Variants in RPL13 observed in about 807,000 individuals in gnomAD.
RPL13 encodes the protein large ribosomal subunit protein eL13.
In RPL13, 1 loss-of-function variant was observed where a neutral mutation model predicts 21.4. The observed-to-expected ratio is 0.05, with a 90% confidence interval of 0.02 to 0.22. RPL13 has a LOEUF of 0.22. RPL13 is among the 10% of genes least tolerant of loss of function. RPL13 has a pLI of 1.00. For missense variants in RPL13, 289 were observed against 303.0 expected (o/e 0.95, Z 0.34); for synonymous variants, 143 against 120.5 (o/e 1.19, Z -1.23).
In RPL13 at chr16:89,564,157, A is replaced by AT. The variant is rs1305183143; in HGVS notation, c.*1117dup. ...GAAGCAGCTTCAGGGACCGAGTCAGATTCTGTTTTGTCTACATGCCTCTGC... is the reference window on the plus strand; with the variant it reads ...GAAGCAGCTTCAGGGACCGAGTCAGATTTCTGTTTTGTCTACATGCCTCTGC... On this transcript the variant is annotated 3_prime_UTR_variant, in exon 6 of 6. Transcript: ENST00000311528. 1 of 152,104 alleles carries AT rather than the reference A, an allele frequency of 6.6e-6. No homozygotes were observed. The highest frequency in any genetic ancestry group is 1.5e-5 in the Non-Finnish European group (1 of 68,050). 9.4% of individuals were successfully genotyped at this position (152,104 alleles called of 1,614,324 possible). A position where few individuals can be genotyped will look rare whatever the true frequency, so the allele number is the denominator to read the frequency against.
In RPL13 at chr16:89,563,114, C is replaced by T. The variant is rs2058758673; in HGVS notation, c.*72C>T. 2.2e-6 allele frequency: 3 copies of T among 1,358,712 alleles called. No individual in the cohort carries two copies. Among genetic ancestry groups the T allele is most frequent in the Non-Finnish European group, 2.9e-6 (3 of 1,039,554 alleles). The allele number at this position is 1,358,712 out of a possible 1,614,324, so 84.2% of individuals were successfully genotyped here. ...CACGTGGTGTGTTTCGTGGGAACAA[C>T]TGGGCCTGGGATGGGGCTTCACTGC... On this transcript the variant is annotated 3_prime_UTR_variant, in exon 6 of 6. Transcript: ENST00000311528.
At chr16:89,565,288 CTGGGCT>C (rs1567943581), downstream of RPL13, 1 of 136,476 alleles carries the variant, frequency 7.3e-6, no homozygotes, top group African/African-American at 3.0e-5. Context: ...TGGATGTGGG[CTGGGCT>C]GGGCTGGGCT....
At chr16:89,561,518 C>T in intron 3 of RPL13, 60 bp from the exon 4 acceptor site, 1 of 1,612,600 alleles carries the variant, frequency 6.2e-7, no homozygotes, top group Non-Finnish European at 8.5e-7. Context: ...GCTTTTCATC[C>T]AGGCCTCGGG....
Position 89,563,108 on chromosome 16 carries a change from G to A in RPL13, c.*66G>A. 1 of 1,373,288 alleles carries A rather than the reference G, an allele frequency of 7.3e-7. No homozygotes were observed. The highest frequency in any genetic ancestry group is 9.5e-7 in the Non-Finnish European group (1 of 1,049,810). The allele number at this position is 1,373,288 out of a possible 1,614,324, so 85.1% of individuals were successfully genotyped here. A position where few individuals can be genotyped will look rare whatever the true frequency, so the allele number is the denominator to read the frequency against. Reference sequence around the variant, plus strand: ...GGTCTCCACGTGGTGTGTTTCGTGGGAACAACTGGGCCTGGGATGGGGCTT... The same window carrying A: ...GGTCTCCACGTGGTGTGTTTCGTGGAAACAACTGGGCCTGGGATGGGGCTT... On this transcript the variant is annotated 3_prime_UTR_variant, in exon 6 of 6. Transcript: ENST00000311528.
intron 5 of RPL13, 69 bp downstream of exon 5, chr16:89,562,460 T>C (rs1212855234): frequency 6.8e-7 from 1 of 1,469,720 alleles, no homozygotes; most frequent in South Asian, 1.2e-5. Context: ...GTATCTGAGA[T>C]GCGGGTGATG....
Position 89,561,330 on chromosome 16 carries a change from G to A in RPL13, c.208G>A (p.Val70Met). The A allele has an allele frequency of 6.3e-7, 1 of 1,597,860 alleles. No individual in the cohort carries two copies. Residue 70 changes from valine (V) to methionine (M), a missense_variant, in exon 3 of 6, where the codon GTG (valine) becomes ATG (methionine). Transcript: ENST00000311528. ...CCCCACGGTTCGGTACCACACGAAG[G>A]TGCGCGCCGGCCGCGGCTTCAGCCT... is the stretch of plus-strand genomic sequence containing the variant. ...RCPTVRYHTK[V>M]RAGRGFSLEE...
At chr16:89,561,899 C>T (rs1372676992) in intron 4 of RPL13, 148 bp downstream of exon 4, 5 of 889,180 alleles carry the variant, frequency 5.6e-6, no homozygotes, top group Admixed American at 5.7e-5. Flanking sequence ...TAAGGTTCAC[C>T]TGTGCGTTTC....
At chr16:89,562,603 T>G (rs1242572848) in intron 5 of RPL13, 4 of 594,382 alleles carry the variant, frequency 6.7e-6, no homozygotes, top group Admixed American at 3.7e-5. Flanking sequence ...TTGTTTTGTG[T>G]TTTTTTGTTG....
chr16:89,560,900 C>G (rs2152414321), intron 1 of RPL13, 40 bp from the exon 2 acceptor site: 1 of 1,477,362 alleles, frequency 6.8e-7, no homozygotes, highest in Non-Finnish European at 9.2e-7. Context: ...GTGCGCGCGC[C>G]CGGGGTCCGG....
Position 89,563,953 on chromosome 16 carries a change from G to A in RPL13, c.*911G>A, listed in dbSNP as rs1225332407. ...TCTAAAGCCATTGTTCTTGCTTCATGGACAAGAGGCAGCCAGAGAGAGTGC... is the reference window on the plus strand; with the variant it reads ...TCTAAAGCCATTGTTCTTGCTTCATAGACAAGAGGCAGCCAGAGAGAGTGC... On this transcript the variant is annotated 3_prime_UTR_variant, in exon 6 of 6. Coordinates refer to ENST00000311528, the MANE Select transcript of RPL13 (RefSeq NM_000977.4). 1 of 152,202 alleles carries A rather than the reference G, an allele frequency of 6.6e-6. No homozygotes were observed. Among genetic ancestry groups the A allele is most frequent in the Non-Finnish European group, 1.5e-5 (1 of 68,048 alleles). The allele number at this position is 152,202 out of a possible 1,614,324, so 9.4% of individuals were successfully genotyped here. A position where few individuals can be genotyped will look rare whatever the true frequency, so the allele number is the denominator to read the frequency against.
Position 89,563,139 on chromosome 16 carries a change from C to A in RPL13, c.*97C>A, listed in dbSNP as rs2058758820. On this transcript the variant is annotated 3_prime_UTR_variant, in exon 6 of 6. Transcript: ENST00000311528. The stretch of plus-strand genomic sequence containing the variant: ...CTGGGCCTGGGATGGGGCTTCACTG[C>A]TGTGACTTCCTCCTGCCAGGGGATT... 5 of 1,166,632 alleles carry A rather than the reference C, an allele frequency of 4.3e-6. No homozygotes were observed. Among genetic ancestry groups the A allele is most frequent in the Non-Finnish European group, 5.7e-6 (5 of 879,860 alleles). 72.3% of individuals were successfully genotyped at this position (1,166,632 alleles called of 1,614,324 possible). A position where few individuals can be genotyped will look rare whatever the true frequency, so the allele number is the denominator to read the frequency against.
downstream of RPL13, chr16:89,565,790 A>G (rs1047074223): frequency 2.0e-5 from 3 of 152,202 alleles, no homozygotes; most frequent in Non-Finnish European, 2.9e-5. Context: ...GGCAGCTGCC[A>G]TGGCGTGGGT....
In RPL13 at chr16:89,560,856, C is replaced by A. The variant is rs2058737452; in HGVS notation, c.-20-84C>A. The A allele has an allele frequency of 3.2e-6, 3 of 941,734 alleles. No homozygotes were observed. The Admixed American group carries it at 9.4e-5, about 29-fold the overall frequency. 58.3% of individuals were successfully genotyped at this position (941,734 alleles called of 1,614,324 possible). A position where few individuals can be genotyped will look rare whatever the true frequency, so the allele number is the denominator to read the frequency against. On this transcript the variant is annotated intron_variant, in intron 1 of 5. Transcript: ENST00000311528. ...GGGCTCTAGGCGCGGCCGGACGGCC[C>A]AGTCTGGAGGGTTCGGGGCGGAGGC...
chr16:89,561,376 C>T lies in RPL13; in HGVS notation c.246+8C>T, dbSNP rs368371275. 1.1e-4 allele frequency: 173 copies of T among 1,609,474 alleles called. No homozygotes were observed. The African/African-American group carries it at 1.9e-3, about 18-fold the overall frequency. ...AGCCTGGAGGAGCTCAGGGTGAGTA[C>T]TGGCAGCGCTGCGGTGTCAGGAAGG... On this transcript the variant is annotated splice_region_variant and intron_variant, in intron 3 of 5. Coordinates refer to ENST00000311528, the MANE Select transcript of RPL13 (RefSeq NM_000977.4).
intron 1 of RPL13, 37 bp downstream of exon 1, chr16:89,560,749 C>T (rs1032389880): frequency 1.9e-5 from 10 of 521,218 alleles, no homozygotes; most frequent in African/African-American, 1.0e-4. Flanking sequence ...GGGCATCATC[C>T]AGCGCCATCG....
At chr16:89,561,868 T>G in intron 4 of RPL13, 117 bp downstream of exon 4, 1 of 1,134,986 alleles carries the variant, frequency 8.8e-7, no homozygotes, top group Non-Finnish European at 1.3e-6. Flanking sequence ...ACATTGTGGG[T>G]GATGAGCTAA....
In RPL13 at chr16:89,560,936, G is replaced by C; in HGVS notation, c.-20-4G>C. 1.9e-6 allele frequency: 3 copies of C among 1,586,582 alleles called. No individual in the cohort carries two copies. Among genetic ancestry groups the C allele is most frequent in the Non-Finnish European group, 2.6e-6 (3 of 1,169,192 alleles). On this transcript the variant is annotated splice_polypyrimidine_tract_variant and splice_region_variant and intron_variant, in intron 1 of 5. Coordinates refer to ENST00000311528, the MANE Select transcript of RPL13 (RefSeq NM_000977.4). ...CCTCTCACTCGCTCCCCTCTCGTCCGCAGCCGCAGGGCCGTAGGCAGCCAT... is the reference window on the plus strand; with the variant it reads ...CCTCTCACTCGCTCCCCTCTCGTCCCCAGCCGCAGGGCCGTAGGCAGCCAT...
intron 4 of RPL13, chr16:89,561,967 C>T (rs1280720176): frequency 1.6e-6 from 1 of 618,674 alleles, no homozygotes; most frequent in South Asian, 2.1e-5. Context: ...CAGCTTTTTC[C>T]ATTGACGTTG....
chr16:89,566,760 C>G (rs78715994), downstream of RPL13: 1 of 152,106 alleles, frequency 6.6e-6, no homozygotes. Flanking sequence ...CCCATCCAGG[C>G]GTAGTTTCAT....
Sources: gnomAD v4.1 joint callset for allele counts on GRCh38, gnomAD v4.1.1 for gene constraint, MANE v1.5 for transcripts, NCBI Gene and HGNC (gene_info 2026-07-23, HGNC 2026-07-21) for gene names.